Variants in SDK1 observed in about 807,000 individuals in gnomAD.
SDK1 encodes protein sidekick-1.
In SDK1, 157 loss-of-function variants were observed where a neutral mutation model predicts 245.5. That is an observed-to-expected ratio of 0.64 (90% CI 0.56 to 0.73). The LOEUF (loss-of-function observed/expected upper bound fraction) is 0.73. Among genes scored for constraint, SDK1 ranks in the 30% least tolerant of loss-of-function variants. SDK1 has a pLI of 0.00. For missense variants in SDK1, 3,583 were observed against 3,002.3 expected, an observed-to-expected ratio of 1.19 and a Z score of -4.52; for synonymous variants, 1,647 against 1,278.5, an observed-to-expected ratio of 1.29 and a Z score of -6.15.
intron 1 of SDK1, among the ~76,000 whole-genome samples, chr7:3,588,082 T>G (rs1187898047): frequency 1.3e-5 from 2 of 152,200 alleles, no homozygotes; most frequent in African/African-American, 4.8e-5. Context: ...AGGTCAATCT[T>G]TGGTGGATCT....
chr7:3,340,789 A>G (rs532372392), intron 1 of SDK1, among the ~76,000 whole-genome samples: 8 of 150,236 alleles, frequency 5.3e-5, no homozygotes, highest in East Asian at 2.0e-4. Context: ...AAAATCATCT[A>G]TGAAGCACAA....
At chr7:3,517,368 C>A (rs1004533303) in intron 1 of SDK1, among the ~76,000 whole-genome samples, 21 of 152,096 alleles carry the variant, frequency 1.4e-4, no homozygotes, top group Non-Finnish European at 2.5e-4. Context: ...TAGTGTACTT[C>A]ATTTCCTCTT....
chr7:3,581,959 A>T (rs1260990757), intron 1 of SDK1, among the ~76,000 whole-genome samples: 1 of 152,244 alleles, frequency 6.6e-6, no homozygotes, highest in Non-Finnish European at 1.5e-5. Context: ...ACATGGCCAC[A>T]TAGAGGGGAA....
At chr7:3,712,459 G>A (rs566376922) in intron 4 of SDK1, among the ~76,000 whole-genome samples, 21 of 152,270 alleles carry the variant, frequency 1.4e-4, no homozygotes, top group African/African-American at 4.6e-4. Context: ...GTATTACAGT[G>A]TAATAATAAT....
chr7:3,901,053 C>T (rs1020037012), intron 5 of SDK1, among the ~76,000 whole-genome samples: 2 of 152,158 alleles, frequency 1.3e-5, no homozygotes, highest in African/African-American at 4.8e-5. Context: ...TCTAATCGTT[C>T]CCTGGCCTTT....
intron 4 of SDK1, among the ~76,000 whole-genome samples, chr7:3,795,673 C>A (rs1030671646): frequency 7.9e-5 from 12 of 151,998 alleles, no homozygotes; most frequent in Admixed American, 6.5e-4. Context: ...TATTAGAACC[C>A]ATCACGTTAG....
At chr7:3,483,879 C>G (rs551157020) in intron 1 of SDK1, among the ~76,000 whole-genome samples, 29 of 152,202 alleles carry the variant, frequency 1.9e-4, no homozygotes, top group Admixed American at 1.6e-3. Context: ...TGGATAAGCT[C>G]TACATGGCCA....
At chr7:3,755,919 G>C (rs756070140) in intron 4 of SDK1, among the ~76,000 whole-genome samples, 6 of 151,874 alleles carry the variant, frequency 4.0e-5, no homozygotes, top group Non-Finnish European at 7.4e-5. Flanking sequence ...ACATGGCATA[G>C]CACGTGTGAC....
At chr7:3,575,149 ATCAGAGT>A (rs1371639232) in intron 1 of SDK1, among the ~76,000 whole-genome samples, 6 of 152,078 alleles carry the variant, frequency 3.9e-5, no homozygotes. Context: ...AGGCTGGGAA[ATCAGAGT>A]TCAAAGTGCC....
intron 25 of SDK1, among the ~76,000 whole-genome samples, chr7:4,117,282 A>G (rs943861998): frequency 6.6e-6 from 1 of 152,142 alleles, no homozygotes; most frequent in African/African-American, 2.4e-5. Context: ...AGCCTAGGCA[A>G]CATAGTGAGA....
chr7:3,858,881 G>C (rs74414827), intron 5 of SDK1, among the ~76,000 whole-genome samples: 1 of 72,382 alleles, frequency 1.4e-5, no homozygotes, highest in Non-Finnish European at 2.5e-5. Flanking sequence ...TTTTTTTTTT[G>C]AGATAGAGTC....
intron 5 of SDK1, among the ~76,000 whole-genome samples, chr7:3,838,944 C>CT (rs1780091278): frequency 1.3e-5 from 2 of 152,306 alleles, no homozygotes; most frequent in Admixed American, 1.3e-4. Context: ...TGCTCGGGCC[C>CT]TGAAGGCATT....
chr7:3,834,645 C>A (rs142328674), intron 5 of SDK1, among the ~76,000 whole-genome samples: 2 of 152,136 alleles, frequency 1.3e-5, no homozygotes, highest in Admixed American at 1.3e-4. Context: ...TCAGTGCCCC[C>A]CAGGAAGACT....
intron 1 of SDK1, among the ~76,000 whole-genome samples, chr7:3,449,843 T>C (rs772327755): frequency 1.6e-4 from 24 of 152,230 alleles, no homozygotes; most frequent in African/African-American, 3.9e-4. Context: ...GTGTAGTCTT[T>C]GCCCTCCTAT....
At chr7:3,494,310 G>A (rs1781954821) in intron 1 of SDK1, among the ~76,000 whole-genome samples, 1 of 152,266 alleles carries the variant, frequency 6.6e-6, no homozygotes, top group South Asian at 2.1e-4. Context: ...GGTAGAGCAG[G>A]TCATTAGAAA....
intron 5 of SDK1, among the ~76,000 whole-genome samples, chr7:3,837,397 C>G (rs1780052211): frequency 6.6e-6 from 1 of 152,162 alleles, no homozygotes; most frequent in Non-Finnish European, 1.5e-5. Flanking sequence ...TTTAAACAGT[C>G]TGTGCATTCT....
chr7:3,369,505 A>G (rs769577335), intron 1 of SDK1, among the ~76,000 whole-genome samples: 36 of 152,316 alleles, frequency 2.4e-4, no homozygotes, highest in South Asian at 2.1e-4. Context: ...CAACTCTTAC[A>G]TACAGAGTGT....
intron 11 of SDK1, 60 bp from the exon 12 acceptor site, chr7:3,971,404 CCT>C (rs1782476933): frequency 6.9e-6 from 8 of 1,166,682 alleles, no homozygotes; most frequent in Admixed American, 3.8e-5. Context: ...CATTATCCCC[CCT>C]GAGGGCAGAA....
At chr7:3,921,872 G>A (rs1199832659) in intron 5 of SDK1, among the ~76,000 whole-genome samples, 5 of 151,906 alleles carry the variant, frequency 3.3e-5, no homozygotes, top group African/African-American at 1.2e-4. Flanking sequence ...AGGCTGAGGT[G>A]GGAGGATCAC....
Sources: allele counts gnomAD v4.1 joint callset (sites outside exome capture counted in the v4.1 genomes callset), GRCh38; gene constraint gnomAD v4.1.1; transcripts MANE v1.5; gene names NCBI Gene and HGNC (gene_info 2026-07-23, HGNC 2026-07-21).